The following WDR19 variants were observed in gnomAD, a reference collection of about 807,000 sequenced individuals.
WDR19 encodes WD repeat-containing protein 19.
Under a neutral mutation model 180.0 loss-of-function variants are expected in WDR19, and 121 were observed. That is an observed-to-expected ratio of 0.67 (90% CI 0.58 to 0.78). The LOEUF is 0.78. Among genes scored for constraint, WDR19 ranks in the 30% least tolerant of loss-of-function variants. The pLI, the probability that WDR19 is intolerant of heterozygous loss-of-function variation, is 0.00. For missense variants in WDR19, 1,450 were observed against 1,640.7 expected (o/e 0.88, Z 2.01); for synonymous variants, 497 against 540.7 (o/e 0.92, Z 1.12).
intron 3 of WDR19, among the ~76,000 whole-genome samples, 152 bp downstream of exon 3, chr4:39,186,756 A>T (rs192925303): frequency 6.6e-6 from 1 of 152,352 alleles, no homozygotes. Flanking sequence ...GTTATGAAAT[A>T]TGTAGAGATA....
At chr4:39,272,460 T>G (rs1735462905) in intron 31 of WDR19, among the ~76,000 whole-genome samples, 2 of 152,218 alleles carry the variant, frequency 1.3e-5, no homozygotes, top group Non-Finnish European at 2.9e-5. Flanking sequence ...CCTGGATGAC[T>G]GCAGTGGCTT....
At position 39,275,059 on chromosome 4, in the gene WDR19, G is replaced by A. The variant is rs1735768520; in HGVS notation, c.3716+101G>A. 12 of 1,441,520 alleles carry A rather than the reference G, an allele frequency of 8.3e-6. No homozygotes were observed. In the South Asian group the frequency reaches 9.8e-5, roughly 12 times the overall value. The allele number at this position is 1,441,520 out of a possible 1,614,324, so 89.3% of individuals were successfully genotyped here. A position where few individuals can be genotyped will look rare whatever the true frequency, so the allele number is the denominator to read the frequency against. On this transcript the variant is annotated intron_variant, in intron 33 of 36. Coordinates refer to ENST00000399820, the MANE Select transcript of WDR19 (RefSeq NM_025132.4). Reference sequence around the variant, plus strand: ...AAGCTCAATAAGAAAACGGTGGGGGGCCAGGTGCAGTGGCTCACACCTATA... The same window carrying A: ...AAGCTCAATAAGAAAACGGTGGGGGACCAGGTGCAGTGGCTCACACCTATA...
At chr4:39,273,241 G>A in intron 32 of WDR19, 180 bp downstream of exon 32, 1 of 552,670 alleles carries the variant, frequency 1.8e-6, no homozygotes, top group Non-Finnish European at 3.1e-6. Flanking sequence ...TCACTGGGAG[G>A]ATTTACAAGA....
At chr4:39,197,056 C>T (rs965820024) in intron 5 of WDR19, among the ~76,000 whole-genome samples, 4 of 152,158 alleles carry the variant, frequency 2.6e-5, no homozygotes, top group African/African-American at 9.7e-5. Context: ...GCACTTTGGT[C>T]AGTGCTTTAA....
intron 21 of WDR19, among the ~76,000 whole-genome samples, chr4:39,243,414 TTTTA>T (rs928349908): frequency 6.6e-6 from 1 of 152,190 alleles, no homozygotes; most frequent in African/African-American, 2.4e-5. Context: ...TTGAGCGTGT[TTTTA>T]TTTATTTATT....
intron 28 of WDR19, among the ~76,000 whole-genome samples, chr4:39,260,629 C>T (rs1191639792): frequency 6.6e-6 from 1 of 152,166 alleles, no homozygotes; most frequent in Non-Finnish European, 1.5e-5. Context: ...GCATGAGCCA[C>T]CACACCCAGC....
At chr4:39,285,394 A>C (rs1016543120) in intron 36 of WDR19, 93 bp from the exon 37 acceptor site, 2 of 152,206 alleles carry the variant, frequency 1.3e-5, no homozygotes, top group African/African-American at 2.4e-5. Context: ...ACAGGCAAAA[A>C]AAAATTCTTT....
chr4:39,275,470 G>A (rs760447289), intron 33 of WDR19: 10 of 177,020 alleles, frequency 5.6e-5, no homozygotes, highest in African/African-American at 9.5e-5. Context: ...GTCCAGAGCT[G>A]GTGTCACCGT....
At position 39,237,108 on chromosome 4, in the gene WDR19, G is replaced by A. The variant is rs183035121; in HGVS notation, c.2363+2233G>A. 3.1e-4 allele frequency among the ~76,000 whole-genome samples: 47 copies of A among 152,130 alleles called. No homozygotes were observed. The East Asian group carries it at 8.9e-3, about 29-fold the overall frequency. On this transcript the variant is annotated intron_variant, in intron 20 of 36. Transcript: ENST00000399820. Reference sequence around the variant, plus strand: ...CCAACATTCAAAAATATTAAAATATGGAAAAAGATTAGTCTTTAAACAAAG... The same window carrying A: ...CCAACATTCAAAAATATTAAAATATAGAAAAAGATTAGTCTTTAAACAAAG...
chr4:39,265,436 A>T (rs752961861), intron 28 of WDR19, among the ~76,000 whole-genome samples: 11 of 152,034 alleles, frequency 7.2e-5, no homozygotes, highest in Non-Finnish European at 1.0e-4. Flanking sequence ...TGTGCTTAAG[A>T]TGCTGTCCTC....
chr4:39,272,424 C>CA (rs1261103061), intron 31 of WDR19, among the ~76,000 whole-genome samples: 1 of 152,188 alleles, frequency 6.6e-6, no homozygotes, highest in Non-Finnish European at 1.5e-5. Flanking sequence ...CCCACTGCCC[C>CA]ACCTTTTTGG....
chr4:39,187,459 T>G (rs1444908584), intron 3 of WDR19, among the ~76,000 whole-genome samples: 1 of 148,024 alleles, frequency 6.8e-6, no homozygotes, highest in East Asian at 2.1e-4. Context: ...GTCCCTCACC[T>G]AAACTGACTT....
intron 19 of WDR19, among the ~76,000 whole-genome samples, chr4:39,233,265 GGTTA>G (rs1227151257): frequency 6.6e-6 from 1 of 152,148 alleles, no homozygotes; most frequent in Non-Finnish European, 1.5e-5. Context: ...TGAAGGGCCT[GGTTA>G]GTTCAAGGGC....
Position 39,231,852 on chromosome 4 carries a change from G to A in WDR19, c.2038G>A (p.Glu680Lys), listed in dbSNP as rs1191124227. 6.2e-7 allele frequency: 1 copy of A among 1,609,010 alleles called. No homozygotes were observed. The highest frequency in any genetic ancestry group is 8.5e-7 in the Non-Finnish European group (1 of 1,175,918). The stretch of plus-strand genomic sequence containing the variant: ...TCTGAATGATGAGGCTGCCTGGAAT[G>A]AGTTGGCCAGAGCTTGTCTACATCA... ...RILNDEAAWNELARACLHHME... is the reference protein window; with the variant it reads ...RILNDEAAWNKLARACLHHME... Residue 680 changes from glutamate to lysine, a missense_variant, in exon 18 of 37, where the codon GAG becomes AAG. Glu to Lys is a moderately conservative substitution (Grantham distance 56). Coordinates refer to ENST00000399820, the MANE Select transcript of WDR19 (RefSeq NM_025132.4).
At position 39,232,830 on chromosome 4, in the gene WDR19, C is replaced by A. The variant is rs79715021; in HGVS notation, c.2253+558C>A. On this transcript the variant is annotated intron_variant, in intron 19 of 36. Coordinates refer to ENST00000399820, the MANE Select transcript of WDR19 (RefSeq NM_025132.4). ...AAATTCAAACATGTCAGTTTAAGAACCCCTGAGTACTCATTAATTATAATG... is the reference window on the plus strand; with the variant it reads ...AAATTCAAACATGTCAGTTTAAGAAACCCTGAGTACTCATTAATTATAATG... Among the ~76,000 whole-genome samples the A allele has an allele frequency of 4.5e-3, 680 of 152,154 alleles. 6 individuals carry two copies. The highest frequency in any genetic ancestry group is 0.01 in the Middle Eastern group (3 of 294).
intron 5 of WDR19, among the ~76,000 whole-genome samples, chr4:39,198,950 A>T (rs1727078401): frequency 6.6e-6 from 1 of 151,420 alleles, no homozygotes; most frequent in Non-Finnish European, 1.5e-5. Context: ...ATGAGCCAAG[A>T]TCACGCCACT....
chr4:39,183,130 C>G (rs1428542304), intron 1 of WDR19, among the ~76,000 whole-genome samples: 1 of 152,070 alleles, frequency 6.6e-6, no homozygotes, highest in African/African-American at 2.4e-5. Context: ...ACTCAGGTCT[C>G]ACGCTCATGT....
At chr4:39,201,759 C>T (rs1484918245) in intron 6 of WDR19, among the ~76,000 whole-genome samples, 1 of 152,018 alleles carries the variant, frequency 6.6e-6, no homozygotes, top group African/African-American at 2.4e-5. Context: ...AAAATATGGC[C>T]TTAGAATATT....
chr4:39,203,588 G>A, intron 6 of WDR19, 54 bp from the exon 7 acceptor site: 1 of 1,402,996 alleles, frequency 7.1e-7, no homozygotes, highest in African/African-American at 1.4e-5. Flanking sequence ...TTAATATTCA[G>A]AATGAATTTA....
Sources: gnomAD v4.1 joint callset for allele counts (sites outside exome capture counted in the v4.1 genomes callset) on GRCh38, gnomAD v4.1.1 for gene constraint, MANE v1.5 for transcripts, NCBI Gene and HGNC (gene_info 2026-07-23, HGNC 2026-07-21) for gene names.